Variants in EVC observed in about 807,000 individuals in gnomAD.
EVC encodes the protein EvC ciliary complex subunit 1.
Under a neutral mutation model 118.9 loss-of-function variants are expected in EVC, and 116 were observed. The observed-to-expected ratio is 0.98, with a 90% CI of 0.84 to 1.14. EVC has a LOEUF of 1.14. Among genes scored for constraint, EVC ranks in the 50% most tolerant of loss-of-function variants. The probability of loss-of-function intolerance (pLI) is 0.00; values close to 1 mark genes in which losing one functional copy is unlikely to be tolerated. For synonymous variants in EVC, 619 were observed against 534.7 expected (o/e 1.16, Z -2.18); for missense variants, 1,401 against 1,246.4 (o/e 1.12, Z -1.87).
intron 13 of EVC, among the ~76,000 whole-genome samples, chr4:5,794,690 C>T (rs1009843391): frequency 1.3e-5 from 2 of 151,848 alleles, no homozygotes; most frequent in African/African-American, 2.4e-5. Flanking sequence ...GGATTACAGG[C>T]GTGAGCCACC....
chr4:5,774,010 G>A (rs1434588546), intron 11 of EVC, among the ~76,000 whole-genome samples: 1 of 152,004 alleles, frequency 6.6e-6, no homozygotes, highest in Non-Finnish European at 1.5e-5. Context: ...CTTCATTGGT[G>A]CATCTTCAGC....
chr4:5,813,722 C>G lies in EVC; in HGVS notation c.*2685C>G, dbSNP rs981372289. On this transcript the variant is annotated 3_prime_UTR_variant, in exon 21 of 21. Coordinates refer to ENST00000264956, the MANE Select transcript of EVC (RefSeq NM_153717.3). The stretch of plus-strand genomic sequence containing the variant: ...AGGCTCCCGGCTGCCTCCCCGCCAC[C>G]GAGCTTGTAGCCTGAATGCCTGGCT... 1 of 152,194 alleles carries G rather than the reference C, an allele frequency of 6.6e-6. No homozygotes were observed. The allele number at this position is 152,194 out of a possible 1,614,324, so 9.4% of individuals were successfully genotyped here.
chr4:5,781,900 A>G (rs1735654797), intron 11 of EVC, among the ~76,000 whole-genome samples: 1 of 152,134 alleles, frequency 6.6e-6, no homozygotes, highest in Non-Finnish European at 1.5e-5. Flanking sequence ...ATGAACACAA[A>G]CACCAAAAGC....
intron 15 of EVC, among the ~76,000 whole-genome samples, chr4:5,799,292 A>T (rs1279952315): frequency 6.6e-6 from 1 of 152,214 alleles, no homozygotes; most frequent in African/African-American, 2.4e-5. Flanking sequence ...ACTGACAATA[A>T]TCATAAATAA....
intron 12 of EVC, among the ~76,000 whole-genome samples, chr4:5,792,045 T>C (rs1712887083): frequency 6.6e-6 from 1 of 152,060 alleles, no homozygotes; most frequent in African/African-American, 2.4e-5. Context: ...ACTTCCAAGG[T>C]AGAGAAAAAA....
rs1477584281 is a variant in EVC, at chr4:5,743,693, A to G, written c.802-1511A>G. On this transcript the variant is annotated intron_variant, in intron 6 of 20. Coordinates refer to ENST00000264956, the MANE Select transcript of EVC (RefSeq NM_153717.3). This position sits in a 1 kb window ranked among gnomAD's most constrained non-coding sequence, Gnocchi z 4.7. ...ACTCACTGCATCCCAGGAAGGAGGAAGGACATCATCATCTTCACTGTCATC... is the reference window on the plus strand; with the variant it reads ...ACTCACTGCATCCCAGGAAGGAGGAGGGACATCATCATCTTCACTGTCATC... Among the ~76,000 whole-genome samples the G allele has an allele frequency of 6.6e-6, 1 of 152,196 alleles. No homozygotes were observed. The highest frequency in any genetic ancestry group is 1.5e-5 in the Non-Finnish European group (1 of 68,040).
intron 12 of EVC, among the ~76,000 whole-genome samples, chr4:5,786,292 A>C (rs1711578855): frequency 6.6e-6 from 1 of 152,218 alleles, no homozygotes; most frequent in African/African-American, 2.4e-5. Flanking sequence ...TTCATTTCTG[A>C]CAAAACACCT....
Position 5,719,300 on chromosome 4 carries a change from C to G in EVC, c.227C>G (p.Pro76Arg). ...LKNLESNAQT[P>R]SETGSPSRRR... is the part of the protein sequence containing the mutation. ...AATTTGGAGTCTAATGCGCAGACCC[C>G]CTCGGAAACTGGCTCCCCATCAAGG... Residue 76 changes from proline to arginine, a missense_variant, in exon 2 of 21, where the codon CCC becomes CGC. Pro to Arg is a moderately radical substitution (Grantham distance 103). Coordinates refer to ENST00000264956, the MANE Select transcript of EVC (RefSeq NM_153717.3). The surrounding 1 kb of genome is among the most constrained non-coding windows in gnomAD (Gnocchi z 4.7). 6.2e-7 allele frequency: 1 copy of G among 1,614,156 alleles called. No homozygotes were observed.
Position 5,789,918 on chromosome 4 carries a change from C to T in EVC, c.1777-3690C>T, listed in dbSNP as rs1041415549. Among the ~76,000 whole-genome samples, 64 of 152,202 alleles carry T rather than the reference C, an allele frequency of 4.2e-4. No individual in the cohort carries two copies. The highest frequency in any genetic ancestry group is 1.5e-3 in the African/African-American group (62 of 41,522). ...AAGACTGGCCAAGCATGGTGGATCACGCCTGTAATCCCAGCACCTTGGGAG... is the reference window on the plus strand; with the variant it reads ...AAGACTGGCCAAGCATGGTGGATCATGCCTGTAATCCCAGCACCTTGGGAG... On this transcript the variant is annotated intron_variant, in intron 12 of 20. Coordinates refer to ENST00000264956, the MANE Select transcript of EVC (RefSeq NM_153717.3). The surrounding 1 kb of genome is among the most constrained non-coding windows in gnomAD (Gnocchi z 4.3).
At chr4:5,803,043 AC>A (rs33999810) in intron 16 of EVC, among the ~76,000 whole-genome samples, 3 of 152,142 alleles carry the variant, frequency 2.0e-5, no homozygotes, top group Non-Finnish European at 4.4e-5. Context: ...GGTGTTTGAG[AC>A]CCCAAGAATT....
Position 5,755,938 on chromosome 4 carries a change from C to G in EVC, c.1465-326C>G, listed in dbSNP as rs1046486251. On this transcript the variant is annotated intron_variant, in intron 10 of 20. Transcript: ENST00000264956. This position sits in a 1 kb window ranked among gnomAD's most constrained non-coding sequence, Gnocchi z 4.1. ...TGCTGGGTTCCCATCAGTGGGTCTT[C>G]CATGGCCTGGGTGGTCAGAAAGTGA... Among the ~76,000 whole-genome samples, 2 of 152,170 alleles carry G rather than the reference C, an allele frequency of 1.3e-5. No homozygotes were observed. Among genetic ancestry groups the G allele is most frequent in the African/African-American group, 4.8e-5 (2 of 41,456 alleles).
chr4:5,731,608 C>T lies in EVC; in HGVS notation c.568C>T (p.Arg190Cys), dbSNP rs1286815295. Residue 190 changes from arginine to cysteine, a missense_variant, in exon 4 of 21, where the codon CGC becomes TGC. Arg to Cys is a radical substitution (Grantham distance 180). Transcript: ENST00000264956. This position sits in a 1 kb window ranked among gnomAD's most constrained non-coding sequence, Gnocchi z 5.6. ...SATSDDRFLS[R>C]TFLRVNAFPE... ...CACCAGCGATGACAGGTTTCTCAGC[C>T]GCACCTTCCTCCGGGTGAACGCCTT... 8 of 1,614,040 alleles carry T rather than the reference C, an allele frequency of 5.0e-6. No homozygotes were observed. The highest frequency in any genetic ancestry group is 1.6e-4 in the Middle Eastern group (1 of 6,084).
At chr4:5,764,087 A>C in intron 11 of EVC, among the ~76,000 whole-genome samples, 1 of 146,194 alleles carries the variant, frequency 6.8e-6, no homozygotes, top group Non-Finnish European at 1.5e-5. Context: ...TCAATACCTA[A>C]TTTCTTGAGA....
In EVC at chr4:5,742,087, T is replaced by C. The variant is rs1340562187; in HGVS notation, c.801+273T>C. 6.6e-6 allele frequency among the ~76,000 whole-genome samples: 1 copy of C among 152,204 alleles called. No homozygotes were observed. Among genetic ancestry groups the C allele is most frequent in the Non-Finnish European group, 1.5e-5 (1 of 68,036 alleles). On this transcript the variant is annotated intron_variant, in intron 6 of 20. Transcript: ENST00000264956. This position sits in a 1 kb window ranked among gnomAD's most constrained non-coding sequence, Gnocchi z 5.2. ...GTTAATGTTTTTTTCTGCACACATT[T>C]GGGATATTTTTAAAGACATAATTTG... is the stretch of plus-strand genomic sequence containing the variant.
rs548507507 is a variant in EVC at position 5,773,528 on chromosome 4, G to A, written c.1564-10024G>A. On this transcript the variant is annotated intron_variant, in intron 11 of 20. Coordinates refer to ENST00000264956, the MANE Select transcript of EVC (RefSeq NM_153717.3). Reference sequence around the variant, plus strand: ...CCTGAACTCAGTGTAGCAGAGGCAGGGAAGTGCTCTCCACTCACCTTGAGA... The same window carrying A: ...CCTGAACTCAGTGTAGCAGAGGCAGAGAAGTGCTCTCCACTCACCTTGAGA... Among the ~76,000 whole-genome samples the A allele has an allele frequency of 2.8e-4, 43 of 152,252 alleles. 3 individuals are homozygous for A. The South Asian group carries it at 8.8e-3, about 31-fold the overall frequency.
rs375872833 is a variant in EVC at position 5,754,831 on chromosome 4, GC to G, written c.1464+902del. Among the ~76,000 whole-genome samples the G allele has an allele frequency of 8.1e-3, 1,239 of 152,236 alleles. 13 individuals carry two copies. The highest frequency in any genetic ancestry group is 0.015 in the Non-Finnish European group (989 of 68,000). On this transcript the variant is annotated intron_variant, in intron 10 of 20. Transcript: ENST00000264956. This position sits in a 1 kb window ranked among gnomAD's most constrained non-coding sequence, Gnocchi z 5.8. ...ATTCAGTGAGACCAAGGAAGGGGCA[GC>G]CCCAGCCTCACTGTTTGCCTGGGTC...
chr4:5,732,777 A>T (rs968348145), intron 4 of EVC, among the ~76,000 whole-genome samples: 2 of 152,230 alleles, frequency 1.3e-5, no homozygotes, highest in South Asian at 4.1e-4. Context: ...TGGGAGGCCA[A>T]GGTGGGTGGA....
At position 5,798,536 on chromosome 4, in the gene EVC, T is replaced by G. The variant is rs1386195667; in HGVS notation, c.2098-50T>G. 1 of 1,528,922 alleles carries G rather than the reference T, an allele frequency of 6.5e-7. No homozygotes were observed. The allele number at this position is 1,528,922 out of a possible 1,614,324, so 94.7% of individuals were successfully genotyped here. ...CCACATCCCAGTCCTGGCCAGAGCT[T>G]CTCTGTGAGAGGAGCACTTGGCCCC... On this transcript the variant is annotated intron_variant, in intron 14 of 20. Transcript: ENST00000264956. The surrounding 1 kb of genome is among the most constrained non-coding windows in gnomAD (Gnocchi z 4.1).
At chr4:5,816,436 G>A (rs1358449027), downstream of EVC, among the ~76,000 whole-genome samples, 2 of 152,178 alleles carry the variant, frequency 1.3e-5, no homozygotes, top group Admixed American at 6.5e-5. Context: ...GGGATGTGGA[G>A]GCCTCCTTAG....
Sources: gnomAD v4.1 joint callset for allele counts (sites outside exome capture counted in the v4.1 genomes callset) on GRCh38, gnomAD v4.1.1 for gene constraint, Gnocchi (gnomAD v3.1) non-coding constraint, MANE v1.5 for transcripts, NCBI Gene and HGNC (gene_info 2026-07-23, HGNC 2026-07-21) for gene names.